Variants in TTC39B observed in about 807,000 individuals in gnomAD.
The protein encoded by TTC39B is tetratricopeptide repeat protein 39B.
Under a neutral mutation model 96.6 loss-of-function variants are expected in TTC39B, and 92 were observed. The ratio of observed to expected loss-of-function variants is 0.95; its 90% CI spans 0.80 to 1.13. The LOEUF (loss-of-function observed/expected upper bound fraction) is 1.13. Ranked by LOEUF, TTC39B falls within the 50% of genes most tolerant of loss-of-function variation. The probability of loss-of-function intolerance (pLI) is 0.00; values close to 1 mark genes in which losing one functional copy is unlikely to be tolerated. For synonymous variants in TTC39B, 367 were observed against 299.4 expected (o/e 1.23, Z -2.33); for missense variants, 955 against 809.3 (o/e 1.18, Z -2.18).
intron 15 of TTC39B, 109 bp from the exon 16 acceptor site, chr9:15,185,515 C>A: frequency 6.5e-7 from 1 of 1,526,728 alleles, no homozygotes; most frequent in South Asian, 1.3e-5. Flanking sequence ...GCAGCAGCAG[C>A]ATCACCTGGG....
chr9:15,306,938 G>A lies in TTC39B; in HGVS notation c.240+146C>T. On this transcript the variant is annotated intron_variant, in intron 1 of 19. Coordinates refer to ENST00000512701, the Ensembl canonical transcript of TTC39B. This position sits in a 1 kb window ranked among gnomAD's most constrained non-coding sequence, Gnocchi z 5.1. ...GCGGGGACAGACCTACCAAGGCCGG[G>A]CGCCCCCACCCGGCGCCCGCCAGCC... is the stretch of plus-strand genomic sequence containing the variant. The A allele has an allele frequency of 3.5e-6, 4 of 1,149,404 alleles. No homozygotes were observed. The highest frequency in any genetic ancestry group is 4.8e-6 in the Non-Finnish European group (4 of 827,832). 71.2% of individuals were successfully genotyped at this position (1,149,404 alleles called of 1,614,324 possible).
intron 4 of TTC39B, 121 bp downstream of exon 4, chr9:15,214,018 G>T: frequency 1.5e-6 from 1 of 680,688 alleles, no homozygotes; most frequent in Non-Finnish European, 2.4e-6. Flanking sequence ...AAAGAGGTCT[G>T]AACTAAATTA....
chr9:15,268,131 T>C (rs1823206477), intron 1 of TTC39B, among the ~76,000 whole-genome samples, 183 bp from the exon 2 acceptor site: 2 of 152,106 alleles, frequency 1.3e-5, no homozygotes, highest in African/African-American at 2.4e-5. Context: ...AGCAGATGCA[T>C]TTCAGTGACG....
intron 1 of TTC39B, among the ~76,000 whole-genome samples, chr9:15,284,887 G>A (rs969603924): frequency 1.3e-5 from 2 of 152,106 alleles, no homozygotes; most frequent in Admixed American, 6.5e-5. Flanking sequence ...ATTACTTCGA[G>A]ACAAGCAAAT....
intron 1 of TTC39B, among the ~76,000 whole-genome samples, chr9:15,275,229 C>G (rs138140230): frequency 0.027 from 4,158 of 152,092 alleles, 192 homozygotes; most frequent in African/African-American, 0.094. Flanking sequence ...TTAGTAGAGA[C>G]GGGGTTTCTC....
At position 15,190,674 on chromosome 9, in the gene TTC39B, A is replaced by AAATG. The variant is rs750652777; in HGVS notation, c.997-16_997-13dup. On this transcript the variant is annotated splice_polypyrimidine_tract_variant and intron_variant, in intron 10 of 19. Coordinates refer to ENST00000512701, the Ensembl canonical transcript of TTC39B. ...AGGAGGCCCAACTCCTATGGGAATT[A>AAATG]AATGCATTTTTAGAAAGAGAACAAG... 10 of 1,604,714 alleles carry AAATG rather than the reference A, an allele frequency of 6.2e-6. No individual in the cohort carries two copies. The highest frequency in any genetic ancestry group is 1.3e-5 in the African/African-American group (1 of 74,344).
chr9:15,289,425 A>G (rs1824098552), intron 1 of TTC39B, among the ~76,000 whole-genome samples: 1 of 152,252 alleles, frequency 6.6e-6, no homozygotes, highest in African/African-American at 2.4e-5. Context: ...AAAGTATGCC[A>G]GGCACTGAGG....
intron 1 of TTC39B, among the ~76,000 whole-genome samples, chr9:15,302,290 C>T (rs1253064756): frequency 6.7e-6 from 1 of 148,950 alleles, no homozygotes; most frequent in Non-Finnish European, 1.5e-5. Context: ...CATGCCACTG[C>T]ACTCCAGCTT....
intron 2 of TTC39B, among the ~76,000 whole-genome samples, chr9:15,257,866 CCTGA>C (rs1244905003): frequency 1.3e-5 from 2 of 151,990 alleles, no homozygotes; most frequent in East Asian, 1.9e-4. Flanking sequence ...TCGAGACCAG[CCTGA>C]CTAACATGGA....
intron 3 of TTC39B, among the ~76,000 whole-genome samples, chr9:15,218,168 C>CAAA (rs764511443): frequency 5.5e-4 from 32 of 58,466 alleles, no homozygotes; most frequent in African/African-American, 8.2e-4. Context: ...GACTCTGTCT[C>CAAA]AAAAAAAAAA....
At chr9:15,267,266 C>G (rs1453423134) in intron 2 of TTC39B, among the ~76,000 whole-genome samples, 1 of 152,200 alleles carries the variant, frequency 6.6e-6, no homozygotes, top group Non-Finnish European at 1.5e-5. Flanking sequence ...GCCACCCAGG[C>G]TATTGTGTTT....
chr9:15,196,535 G>A (rs1244204870), intron 8 of TTC39B, among the ~76,000 whole-genome samples: 6 of 152,194 alleles, frequency 3.9e-5, no homozygotes, highest in African/African-American at 1.4e-4. Flanking sequence ...GTTAGAAACA[G>A]AAAGAGAACT....
chr9:15,306,636 G>C lies in TTC39B; in HGVS notation c.240+448C>G, dbSNP rs1334165249. ...GTAAGCCTTTCGGTTCTGCCACCAG[G>C]AAACTTCCATAGAAGGTGAGATTCC... On this transcript the variant is annotated intron_variant, in intron 1 of 19. Transcript: ENST00000512701. The surrounding 1 kb of genome is among the most constrained non-coding windows in gnomAD (Gnocchi z 5.1). 1.3e-5 allele frequency among the ~76,000 whole-genome samples: 2 copies of C among 152,204 alleles called. No individual in the cohort carries two copies.
chr9:15,246,025 G>A (rs953971580), intron 2 of TTC39B, among the ~76,000 whole-genome samples: 6 of 152,156 alleles, frequency 3.9e-5, no homozygotes, highest in Middle Eastern at 3.4e-3. Flanking sequence ...AGGCCCAGGC[G>A]GGCAGATCAC....
intron 16 of TTC39B, chr9:15,183,315 G>A (rs918735129): frequency 2.3e-6 from 1 of 426,214 alleles, no homozygotes; most frequent in South Asian, 1.7e-5. Flanking sequence ...TGCTAATAGA[G>A]CAAGAGTTCA....
intron 1 of TTC39B, among the ~76,000 whole-genome samples, chr9:15,284,341 T>C (rs956121657): frequency 6.6e-6 from 1 of 152,202 alleles, no homozygotes; most frequent in African/African-American, 2.4e-5. Flanking sequence ...TATTAAAAAA[T>C]TTAAACACAC....
At chr9:15,292,207 T>C (rs1200704443) in intron 1 of TTC39B, among the ~76,000 whole-genome samples, 2 of 152,166 alleles carry the variant, frequency 1.3e-5, no homozygotes, top group Admixed American at 6.5e-5. Context: ...CAGCCAGGAA[T>C]GCTAAATACA....
At chr9:15,219,814 G>A (rs751446242) in intron 3 of TTC39B, among the ~76,000 whole-genome samples, 4 of 152,162 alleles carry the variant, frequency 2.6e-5, no homozygotes, top group African/African-American at 4.8e-5. Context: ...TTCTCTCAGC[G>A]ATGCAGTGAG....
At chr9:15,264,106 G>A (rs562557499) in intron 2 of TTC39B, among the ~76,000 whole-genome samples, 1 of 152,240 alleles carries the variant, frequency 6.6e-6, no homozygotes, top group East Asian at 1.9e-4. Context: ...GCAGTGTTAA[G>A]GAGCTGCAGT....
Sources: gnomAD v4.1 joint callset for allele counts (sites outside exome capture counted in the v4.1 genomes callset) on GRCh38, gnomAD v4.1.1 for gene constraint, Gnocchi (gnomAD v3.1) non-coding constraint, MANE v1.5 for transcripts, NCBI Gene and HGNC (gene_info 2026-07-23, HGNC 2026-07-21) for gene names.